The following FCHO1 variants were observed in gnomAD, a reference collection of about 807,000 sequenced individuals.
FCHO1 encodes F-BAR domain only protein 1.
FCHO1 carries 45 observed loss-of-function variants against 114.4 expected under a neutral mutation model. The observed-to-expected ratio is 0.39, with a 90% confidence interval of 0.31 to 0.50. FCHO1 has a LOEUF of 0.50. Among genes scored for constraint, FCHO1 ranks in the 20% least tolerant of loss-of-function variants. The pLI, the probability that FCHO1 is intolerant of heterozygous loss-of-function variation, is 0.77. For missense variants in FCHO1, 1,042 were observed against 1,209.6 expected (o/e 0.86, Z 2.06); for synonymous variants, 480 against 488.9 (o/e 0.98, Z 0.24).
intron 5 of FCHO1, 85 bp downstream of exon 5, chr19:17,762,938 A>AG (rs2086939770): frequency 1.1e-6 from 1 of 932,890 alleles, no homozygotes; most frequent in African/African-American, 1.6e-5. Flanking sequence ...CTGCATGGTC[A>AG]GGGGCTAGAA....
Position 17,775,988 on chromosome 19 carries a change from G to A in FCHO1, c.1009G>A (p.Ala337Thr). Residue 337 changes from alanine to threonine, a missense_variant, in exon 16 of 29, where the codon GCC becomes ACC. Transcript: ENST00000596536. The surrounding 1 kb of genome is among the most constrained non-coding windows in gnomAD (Gnocchi z 5.1). ...GGACCTTGACTGCAGCCCACGCACG[G>A]CCGAGCCCTCCCGTTTCTCGTCCAG... ...VRPDVTQNST[A>T]EPSRFSSSDS... 6.2e-7 allele frequency: 1 copy of A among 1,607,032 alleles called. No homozygotes were observed. Among genetic ancestry groups the A allele is most frequent in the Non-Finnish European group, 8.5e-7 (1 of 1,179,830 alleles).
chr19:17,757,789 A>G (rs1232293462), intron 4 of FCHO1, among the ~76,000 whole-genome samples: 3 of 151,622 alleles, frequency 2.0e-5, no homozygotes, highest in Non-Finnish European at 4.4e-5. Flanking sequence ...GGTGGCGCGC[A>G]CCTGTGGTCC....
chr19:17,772,371 G>A (rs1159059205), intron 9 of FCHO1, 86 bp from the exon 10 acceptor site: 1 of 960,786 alleles, frequency 1.0e-6, no homozygotes, highest in African/African-American at 1.6e-5. Flanking sequence ...AGGGCTTAGG[G>A]TATTCTGATT....
intron 4 of FCHO1, among the ~76,000 whole-genome samples, chr19:17,758,972 T>C (rs1271878850): frequency 6.6e-6 from 1 of 151,996 alleles, no homozygotes; most frequent in Non-Finnish European, 1.5e-5. Context: ...AGACCCTGTC[T>C]CAAACATAGA....
At chr19:17,773,655 A>C (rs2092112891) in intron 11 of FCHO1, among the ~76,000 whole-genome samples, 1 of 152,052 alleles carries the variant, frequency 6.6e-6, no homozygotes, top group Non-Finnish European at 1.5e-5. Flanking sequence ...ACCCAACCCA[A>C]GTTCCAGCCA....
At chr19:17,779,984 G>T (rs1190977126) in intron 20 of FCHO1, among the ~76,000 whole-genome samples, 1 of 151,710 alleles carries the variant, frequency 6.6e-6, no homozygotes, top group African/African-American at 2.4e-5. Context: ...GCTCCTGGGG[G>T]CTGTCTGAGG....
chr19:17,763,221 G>T (rs529151059), intron 5 of FCHO1, among the ~76,000 whole-genome samples: 1 of 144,914 alleles, frequency 6.9e-6, no homozygotes, highest in East Asian at 2.0e-4. Flanking sequence ...CTCAGCTCCC[G>T]AGTAGCTGGG....
chr19:17,774,019 T>G (rs2092225190), intron 11 of FCHO1, among the ~76,000 whole-genome samples: 1 of 151,972 alleles, frequency 6.6e-6, no homozygotes, highest in Non-Finnish European at 1.5e-5. Flanking sequence ...CAAGCGATTC[T>G]CCTGCCTCAG....
chr19:17,771,347 A>G (rs1883467827), intron 9 of FCHO1, among the ~76,000 whole-genome samples: 3 of 148,184 alleles, frequency 2.0e-5, no homozygotes, highest in East Asian at 4.0e-4. Context: ...ATTCAAACCG[A>G]CAGGTGTATA....
At chr19:17,757,279 C>A (rs2083965244) in intron 4 of FCHO1, among the ~76,000 whole-genome samples, 2 of 152,152 alleles carry the variant, frequency 1.3e-5, no homozygotes, top group African/African-American at 4.8e-5. Flanking sequence ...CCTGAGACAG[C>A]CCCTCCTAGG....
At chr19:17,766,542 T>G in intron 6 of FCHO1, 127 bp from the exon 7 acceptor site, 1 of 1,222,352 alleles carries the variant, frequency 8.2e-7, no homozygotes, top group Non-Finnish European at 1.1e-6. Context: ...CCATGGAGAT[T>G]ATATGAATTA....
At chr19:17,772,214 A>T (rs947370276) in intron 9 of FCHO1, among the ~76,000 whole-genome samples, 1 of 152,106 alleles carries the variant, frequency 6.6e-6, no homozygotes, top group African/African-American at 2.4e-5. Flanking sequence ...AAGCATGCAC[A>T]TGTGTGCATC....
At chr19:17,785,591 T>C in intron 26 of FCHO1, among the ~76,000 whole-genome samples, 1 of 151,968 alleles carries the variant, frequency 6.6e-6, no homozygotes, top group East Asian at 1.9e-4. Context: ...CCCAGCACTT[T>C]GGGAGGCCGA....
chr19:17,783,293 G>A, intron 24 of FCHO1, 121 bp downstream of exon 24: 1 of 1,070,728 alleles, frequency 9.3e-7, no homozygotes, highest in South Asian at 1.7e-5. Context: ...TAGAGACGGA[G>A]TCTTGCTCTG....
chr19:17,783,072 C>A lies in FCHO1; in HGVS notation c.1993C>A (p.Arg665Ser). ...LTMTFPAGIV[R>S]VFSGTPPPPV... ...CATGACCTTCCCTGCTGGCATCGTGCGTGTGTTCAGCGGGACCCCACCACC... is the reference window on the plus strand; with the variant it reads ...CATGACCTTCCCTGCTGGCATCGTGAGTGTGTTCAGCGGGACCCCACCACC... The change falls in exon 24 of 29, where the codon CGT becomes AGT. Residue 665 changes from arginine to serine, a missense_variant. Around this residue, in one of 3 missense-constraint regions of FCHO1, gnomAD observed 455 missense variants for 455.4 expected, o/e 1.00. Transcript: ENST00000596536. The A allele has an allele frequency of 6.2e-7, 1 of 1,614,088 alleles. No homozygotes were observed. The highest frequency in any genetic ancestry group is 2.2e-5 in the East Asian group (1 of 44,864).
chr19:17,782,726 C>A (rs1200564308), intron 23 of FCHO1, among the ~76,000 whole-genome samples: 1 of 152,104 alleles, frequency 6.6e-6, no homozygotes, highest in African/African-American at 2.4e-5. Flanking sequence ...AAAACCCAAG[C>A]AAAGGATAGC....
At position 17,755,200 on chromosome 19, in the gene FCHO1, C is replaced by T. The variant is rs544351378; in HGVS notation, c.27+9C>T. ...TTGGGGAGCATTTTTGGGTAAGACC[C>T]ACTCTTATTTAGGCGGGGGATGCTG... On this transcript the variant is annotated intron_variant, in intron 4 of 28. Coordinates refer to ENST00000596536, the MANE Select transcript of FCHO1 (RefSeq NM_015122.3). 1.2e-6 allele frequency: 2 copies of T among 1,605,922 alleles called. No individual in the cohort carries two copies. The highest frequency in any genetic ancestry group is 1.1e-5 in the South Asian group (1 of 90,304).
upstream of FCHO1, among the ~76,000 whole-genome samples, chr19:17,748,375 G>A (rs2081083221): frequency 6.6e-6 from 1 of 152,112 alleles, no homozygotes; most frequent in Non-Finnish European, 1.5e-5. Context: ...CTTAAGGATG[G>A]GGTGGGGGGC....
At position 17,784,373 on chromosome 19, in the gene FCHO1, G is replaced by C; in HGVS notation, c.2226+138G>C. ...TCAAGAGATCCAATCTGTGAGAGCC[G>C]ATGAGCTGGAGGGAGTAGGCAGTGT... On this transcript the variant is annotated intron_variant, in intron 25 of 28. Coordinates refer to ENST00000596536, the MANE Select transcript of FCHO1 (RefSeq NM_015122.3). The surrounding 1 kb of genome is among the most constrained non-coding windows in gnomAD (Gnocchi z 5.3). 2 of 1,123,754 alleles carry C rather than the reference G, an allele frequency of 1.8e-6. No homozygotes were observed. Among genetic ancestry groups the C allele is most frequent in the Non-Finnish European group, 1.3e-6 (1 of 796,532 alleles). The allele number at this position is 1,123,754 out of a possible 1,614,324, so 69.6% of individuals were successfully genotyped here.
Sources: gnomAD v4.1 joint callset for allele counts (sites outside exome capture counted in the v4.1 genomes callset) on GRCh38, gnomAD v4.1.1 for gene constraint, gnomAD v4.1.1 regional missense constraint, Gnocchi (gnomAD v3.1) non-coding constraint, MANE v1.5 for transcripts, NCBI Gene and HGNC (gene_info 2026-07-23, HGNC 2026-07-21) for gene names.